The following PAX3 variants were observed in gnomAD, a reference collection of about 807,000 sequenced individuals.
PAX3 encodes the protein paired box 3.
In PAX3, 14 loss-of-function variants were observed where a neutral mutation model predicts 51.6. The observed-to-expected ratio is 0.27, with a 90% CI of 0.18 to 0.42. PAX3 has a LOEUF of 0.42. Among genes scored for constraint, PAX3 ranks in the 10% least tolerant of loss-of-function variants. PAX3 has a pLI of 1.00. For synonymous variants in PAX3, 280 were observed against 253.4 expected (o/e 1.11, Z -1.00); for missense variants, 540 against 642.8 (o/e 0.84, Z 1.73).
intron 7 of PAX3, among the ~76,000 whole-genome samples, chr2:222,217,575 A>T (rs766117966): frequency 1.3e-5 from 2 of 151,900 alleles, no homozygotes; most frequent in Non-Finnish European, 2.9e-5. Flanking sequence ...GAAGTAGAAG[A>T]GTAAGTAGTG....
intron 5 of PAX3, among the ~76,000 whole-genome samples, chr2:222,226,505 A>G (rs1574654651): frequency 1.3e-5 from 2 of 152,054 alleles, no homozygotes; most frequent in Admixed American, 6.6e-5. Flanking sequence ...ACCTCCCAAA[A>G]GCAAACTCCT....
At chr2:222,291,969 G>GGTGTGT (rs3997675) in intron 4 of PAX3, among the ~76,000 whole-genome samples, 2,115 of 133,700 alleles carry the variant, frequency 0.016, 26 homozygotes, top group East Asian at 0.032. Flanking sequence ...CAGCCTCCAA[G>GGTGTGT]GTGTGTGTGT....
intron 4 of PAX3, chr2:222,293,544 TA>T: frequency 7.4e-7 from 1 of 1,348,660 alleles, no homozygotes; most frequent in Non-Finnish European, 1.0e-6. Context: ...CTTCAATTTG[TA>T]ACCCAGAGCT....
In PAX3 at chr2:222,201,180, C is replaced by T. The variant is rs373840996; in HGVS notation, c.*228G>A. 47 of 1,613,818 alleles carry T rather than the reference C, an allele frequency of 2.9e-5. No homozygotes were observed. Among genetic ancestry groups the T allele is most frequent in the Non-Finnish European group, 4.0e-5 (47 of 1,179,978 alleles). ...AAAATGTTGCATTTGTCTTTTATTGCTCCAGGTCTTCCTCTTCTCCACTGC... is the reference window on the plus strand; with the variant it reads ...AAAATGTTGCATTTGTCTTTTATTGTTCCAGGTCTTCCTCTTCTCCACTGC... On this transcript the variant is annotated 3_prime_UTR_variant, in exon 9 of 9. Coordinates refer to ENST00000392070, the MANE Select transcript of PAX3 (RefSeq NM_181458.4).
intron 4 of PAX3, among the ~76,000 whole-genome samples, chr2:222,281,172 C>T (rs937202664): frequency 1.3e-5 from 2 of 152,174 alleles, no homozygotes; most frequent in Admixed American, 6.5e-5. Flanking sequence ...GCTAGTCCAC[C>T]GGGGGCACCA....
chr2:222,291,192 G>A (rs12470153), intron 4 of PAX3, among the ~76,000 whole-genome samples: 12 of 152,088 alleles, frequency 7.9e-5, no homozygotes, highest in Admixed American at 3.3e-4. Flanking sequence ...TGCGCAGGGC[G>A]GTGCCCACAG....
rs6721599 is a variant in PAX3 at position 222,272,021 on chromosome 2, C to T, written c.586+22146G>A. ...TCTCCTGAAGGTTTCACTTTCTTCGCGTCACCAAGTCATGACCACAAAGCT... is the reference window on the plus strand; with the variant it reads ...TCTCCTGAAGGTTTCACTTTCTTCGTGTCACCAAGTCATGACCACAAAGCT... On this transcript the variant is annotated intron_variant, in intron 4 of 8. Coordinates refer to ENST00000392070, the MANE Select transcript of PAX3 (RefSeq NM_181458.4). 4.8e-3 allele frequency among the ~76,000 whole-genome samples: 731 copies of T among 152,250 alleles called. 7 individuals carry two copies. Among genetic ancestry groups the T allele is most frequent in the African/African-American group, 0.017 (692 of 41,532 alleles).
chr2:222,239,586 G>T (rs10498133), intron 4 of PAX3, among the ~76,000 whole-genome samples: 6,805 of 152,202 alleles, frequency 0.045, 204 homozygotes, highest in Middle Eastern at 0.086. Context: ...TGTACATTGT[G>T]TAACTATCAA....
intron 4 of PAX3, among the ~76,000 whole-genome samples, chr2:222,259,849 C>G (rs1462012303): frequency 1.3e-5 from 2 of 151,752 alleles, no homozygotes; most frequent in Non-Finnish European, 3.0e-5. Flanking sequence ...CAGTTACTTA[C>G]TAGTGAAGTT....
Position 222,294,784 on chromosome 2 carries a change from A to C in PAX3, c.452-483T>G, listed in dbSNP as rs372989593. Among the ~76,000 whole-genome samples the C allele has an allele frequency of 2.1e-4, 12 of 56,940 alleles. No individual in the cohort carries two copies. In the South Asian group the frequency reaches 4.8e-3, roughly 23 times the overall value. The allele number at this position is 56,940 out of a possible 152,430, so 37.4% of individuals were successfully genotyped here. The stretch of plus-strand genomic sequence containing the variant: ...CCCCCCCCCACCCCCCCGTAAATCA[A>C]GTTTCTTTTTTTTCCTTTCTTCCCT... On this transcript the variant is annotated intron_variant, in intron 3 of 8. Transcript: ENST00000392070.
intron 5 of PAX3, among the ~76,000 whole-genome samples, chr2:222,226,311 C>A (rs1461521626): frequency 2.0e-5 from 3 of 152,184 alleles, no homozygotes; most frequent in African/African-American, 7.2e-5. Flanking sequence ...TCACTCTCAC[C>A]TCCTTTCTCT....
chr2:222,269,583 TACAA>T (rs1486327142), intron 4 of PAX3, among the ~76,000 whole-genome samples: 9 of 151,530 alleles, frequency 5.9e-5, no homozygotes, highest in African/African-American at 2.2e-4. Flanking sequence ...TTTAAAAGTC[TACAA>T]ACAACGACAA....
chr2:222,250,299 C>T (rs1353001984), intron 4 of PAX3, among the ~76,000 whole-genome samples: 1 of 152,012 alleles, frequency 6.6e-6, no homozygotes. Flanking sequence ...GGGAAGTAAC[C>T]CCCAAAAAGC....
At chr2:222,254,267 GGGAAA>G (rs1449812193) in intron 4 of PAX3, among the ~76,000 whole-genome samples, 9 of 152,134 alleles carry the variant, frequency 5.9e-5, no homozygotes, top group Middle Eastern at 3.2e-3. Context: ...TATTTGCCTG[GGGAAA>G]GGAGGGTAGC....
At position 222,244,066 on chromosome 2, in the gene PAX3, G is replaced by A. The variant is rs543069995; in HGVS notation, c.587-11783C>T. Reference sequence around the variant, plus strand: ...AAAGTATAAGTCTCCTGTCTACAAGGTGGTCCTTCAGATTAGTGTCACATC... The same window carrying A: ...AAAGTATAAGTCTCCTGTCTACAAGATGGTCCTTCAGATTAGTGTCACATC... On this transcript the variant is annotated intron_variant, in intron 4 of 8. Transcript: ENST00000392070. 2.0e-4 allele frequency among the ~76,000 whole-genome samples: 31 copies of A among 152,282 alleles called. No homozygotes were observed. In the East Asian group the frequency reaches 6.0e-3, roughly 29 times the overall value.
At position 222,232,072 on chromosome 2, in the gene PAX3, C is replaced by T. The variant is rs1251303881; in HGVS notation, c.792+6G>A. 8 of 1,613,338 alleles carry T rather than the reference C, an allele frequency of 5.0e-6. No individual in the cohort carries two copies. In the African/African-American group the frequency reaches 8.0e-5, roughly 16 times the overall value. On this transcript the variant is annotated splice_donor_region_variant and intron_variant, in intron 5 of 8. Coordinates refer to ENST00000392070, the MANE Select transcript of PAX3 (RefSeq NM_181458.4). ...AAGTAGGACACGGAGGTTTGGGCAA[C>T]AGTACCTGTACTCGGGCCTCGGTGA...
intron 6 of PAX3, among the ~76,000 whole-genome samples, chr2:222,220,605 A>C (rs1409177600): frequency 6.6e-6 from 1 of 152,236 alleles, no homozygotes; most frequent in Admixed American, 6.5e-5. Flanking sequence ...CTAATGCAGA[A>C]ATCATATTAG....
intron 5 of PAX3, among the ~76,000 whole-genome samples, chr2:222,230,742 C>T (rs1447648222): frequency 1.3e-5 from 2 of 150,824 alleles, no homozygotes; most frequent in Admixed American, 1.3e-4. Context: ...GTAATCCCAG[C>T]TACTTGGGAG....
chr2:222,250,883 A>G (rs557703882), intron 4 of PAX3, among the ~76,000 whole-genome samples: 1 of 152,310 alleles, frequency 6.6e-6, no homozygotes, highest in African/African-American at 2.4e-5. Flanking sequence ...CAGTTCCAAC[A>G]CATGATCATT....
Sources: gnomAD v4.1 joint callset for allele counts (sites outside exome capture counted in the v4.1 genomes callset) on GRCh38, gnomAD v4.1.1 for gene constraint, MANE v1.5 for transcripts, NCBI Gene and HGNC (gene_info 2026-07-23, HGNC 2026-07-21) for gene names.